NYAP2: variants seen among roughly 807,000 people sequenced by gnomAD.
NYAP2 encodes the protein neuronal tyrosine-phosphorylated phosphoinositide-3-kinase adaptor 2.
A neutral mutation model predicts 50.4 loss-of-function variants in NYAP2; 23 were observed. The observed-to-expected ratio is 0.46, with a 90% CI of 0.33 to 0.65. The LOEUF (loss-of-function observed/expected upper bound fraction) is 0.65, where lower values mean the gene tolerates loss of function less well. Ranked by LOEUF, NYAP2 falls within the 30% of genes least tolerant of loss-of-function variation. The probability of loss-of-function intolerance (pLI) is 0.02; values close to 1 mark genes in which losing one functional copy is unlikely to be tolerated. For synonymous variants in NYAP2, 394 were observed against 365.2 expected, an observed-to-expected ratio of 1.08 and a Z score of -0.90; for missense variants, 885 against 861.0, an observed-to-expected ratio of 1.03 and a Z score of -0.35.
At chr2:225,423,181 T>C (rs1186276517) in intron 3 of NYAP2, among the ~76,000 whole-genome samples, 3 of 152,154 alleles carry the variant, frequency 2.0e-5, no homozygotes, top group Non-Finnish European at 4.4e-5. Context: ...TGCAGTTATA[T>C]GATTGCATTA....
downstream of NYAP2, among the ~76,000 whole-genome samples, chr2:225,657,661 A>G (rs962176991): frequency 2.0e-5 from 3 of 152,122 alleles, no homozygotes; most frequent in Admixed American, 6.5e-5. Context: ...GTAAGAGTAG[A>G]AAAACTTCAA....
intron 4 of NYAP2, among the ~76,000 whole-genome samples, chr2:225,571,549 A>G (rs1169379824): frequency 6.6e-6 from 1 of 152,252 alleles, no homozygotes; most frequent in Non-Finnish European, 1.5e-5. Context: ...CTTTGAAGCA[A>G]TGGCCGAGTT....
chr2:225,701,878 G>A, the NYAP2 span: 1 of 151,620 alleles, frequency 6.6e-6, no homozygotes, highest in Non-Finnish European at 1.5e-5. Flanking sequence ...TTTGTTGGTA[G>A]GTCTTGCCTA....
intron 4 of NYAP2, among the ~76,000 whole-genome samples, chr2:225,534,630 A>G (rs1260366283): frequency 2.6e-5 from 4 of 152,242 alleles, no homozygotes; most frequent in Non-Finnish European, 5.9e-5. Context: ...AGGACAGAAA[A>G]GACATCATCT....
intron 4 of NYAP2, among the ~76,000 whole-genome samples, chr2:225,516,052 G>A (rs970597934): frequency 1.2e-4 from 19 of 152,272 alleles, no homozygotes; most frequent in East Asian, 5.8e-4. Flanking sequence ...AGCCGCCTTC[G>A]TGGAGGGGGA....
chr2:225,582,404 G>C lies in NYAP2; in HGVS notation c.987G>C (p.Leu329=). The change falls in exon 5 of 7, where the codon CTG becomes CTC. Residue 329 remains leucine, a synonymous_variant. Transcript: ENST00000636099. This position sits in a 1 kb window ranked among gnomAD's most constrained non-coding sequence, Gnocchi z 7.0. ...ACATCCCTCCGCCCTTCCCCAACCT[G>C]CTTTCTCACAGACCCCCGCTGCTGG... The C allele has an allele frequency of 6.2e-7, 1 of 1,605,382 alleles. No homozygotes were observed. The highest frequency in any genetic ancestry group is 8.5e-7 in the Non-Finnish European group (1 of 1,174,026).
chr2:225,665,103 C>T, the NYAP2 span, among the ~76,000 whole-genome samples: 1 of 152,168 alleles, frequency 6.6e-6, no homozygotes, highest in Admixed American at 6.5e-5. Flanking sequence ...GCAAATAGCA[C>T]AAACCTTACA....
chr2:225,649,843 A>C (rs141549570), intron 6 of NYAP2, among the ~76,000 whole-genome samples: 173 of 152,344 alleles, frequency 1.1e-3, no homozygotes, highest in African/African-American at 4.0e-3. Flanking sequence ...AGAAGAACTA[A>C]AACTTGAATA....
At chr2:225,699,559 C>G in the NYAP2 span, 1 of 151,878 alleles carries the variant, frequency 6.6e-6, no homozygotes, top group South Asian at 2.1e-4. Context: ...TTTTAATACA[C>G]TAAATGCCAA....
intron 4 of NYAP2, among the ~76,000 whole-genome samples, chr2:225,521,240 C>T (rs1312718332): frequency 1.3e-5 from 2 of 151,816 alleles, no homozygotes; most frequent in Non-Finnish European, 2.9e-5. Context: ...TTGACTTCCT[C>T]TTTTCCTAAT....
Position 225,579,519 on chromosome 2 carries a change from A to G in NYAP2, c.524-2422A>G, listed in dbSNP as rs537661393. ...CATTTCCTAGATATAGAGGGGCTTT[A>G]TTTCATTTTTTCTGTTTCTTTTGGC... is the stretch of plus-strand genomic sequence containing the variant. On this transcript the variant is annotated intron_variant, in intron 4 of 6. Coordinates refer to ENST00000636099, the Ensembl canonical transcript of NYAP2. Among the ~76,000 whole-genome samples, 14 of 152,250 alleles carry G rather than the reference A, an allele frequency of 9.2e-5. 1 individual carries two copies. The East Asian group carries it at 2.5e-3, about 27-fold the overall frequency.
At chr2:225,667,691 T>C in the NYAP2 span, among the ~76,000 whole-genome samples, 1 of 152,098 alleles carries the variant, frequency 6.6e-6, no homozygotes, top group Non-Finnish European at 1.5e-5. Flanking sequence ...CCTGAACAAT[T>C]AGCATTACAA....
At chr2:225,646,837 G>A (rs1693643299) in intron 6 of NYAP2, among the ~76,000 whole-genome samples, 1 of 152,154 alleles carries the variant, frequency 6.6e-6, no homozygotes, top group South Asian at 2.1e-4. Flanking sequence ...ACTGGGGCTT[G>A]ATGAACCTAG....
At chr2:225,633,592 G>A (rs1307056021) in intron 6 of NYAP2, among the ~76,000 whole-genome samples, 1 of 152,134 alleles carries the variant, frequency 6.6e-6, no homozygotes, top group Non-Finnish European at 1.5e-5. Flanking sequence ...TCCCACATTT[G>A]TTAGAAGCAT....
intron 3 of NYAP2, among the ~76,000 whole-genome samples, chr2:225,512,522 TTCTTC>T (rs1302437671): frequency 1.3e-5 from 2 of 150,112 alleles, no homozygotes; most frequent in Non-Finnish European, 3.0e-5. Flanking sequence ...TCCTCCTTTC[TTCTTC>T]TCTTCTCTTT....
At chr2:225,647,457 AC>A (rs1467675601) in intron 6 of NYAP2, among the ~76,000 whole-genome samples, 1 of 152,108 alleles carries the variant, frequency 6.6e-6, no homozygotes, top group Non-Finnish European at 1.5e-5. Flanking sequence ...GACGTTAAAC[AC>A]CCGCACAAAA....
chr2:225,593,577 T>G (rs1221451761), intron 5 of NYAP2, among the ~76,000 whole-genome samples: 1 of 152,248 alleles, frequency 6.6e-6, no homozygotes, highest in Non-Finnish European at 1.5e-5. Flanking sequence ...TTTTTCAAAT[T>G]TTTGAATGAT....
At chr2:225,537,202 C>T (rs911985108) in intron 4 of NYAP2, among the ~76,000 whole-genome samples, 2 of 152,112 alleles carry the variant, frequency 1.3e-5, no homozygotes, top group African/African-American at 4.8e-5. Flanking sequence ...ATTTTTAGCT[C>T]CCACAAATAA....
intron 3 of NYAP2, among the ~76,000 whole-genome samples, chr2:225,439,740 G>A (rs574560321): frequency 6.6e-6 from 1 of 152,284 alleles, no homozygotes; most frequent in South Asian, 2.1e-4. Context: ...AGGGAACAGT[G>A]TTATAGTTCA....
Sources: allele counts gnomAD v4.1 joint callset (sites outside exome capture counted in the v4.1 genomes callset), GRCh38; gene constraint gnomAD v4.1.1; non-coding constraint Gnocchi (gnomAD v3.1); transcripts MANE v1.5; gene names NCBI Gene and HGNC (gene_info 2026-07-23, HGNC 2026-07-21).